UNC5D: variants seen among roughly 807,000 people sequenced by gnomAD.
UNC5D encodes the protein netrin receptor UNC5D.
A neutral mutation model predicts 105.4 loss-of-function variants in UNC5D; 39 were observed. The ratio of observed to expected loss-of-function variants is 0.37; its 90% CI spans 0.29 to 0.48. UNC5D has a LOEUF of 0.48. Ranked by LOEUF, UNC5D falls within the 20% of genes least tolerant of loss-of-function variation. The pLI is 0.98. For missense variants in UNC5D, 991 were observed against 1,202.4 expected (o/e 0.82, Z 2.60); for synonymous variants, 452 against 450.4 (o/e 1.00, Z -0.04).
chr8:35,387,015 TC>T (rs5890807), intron 1 of UNC5D, among the ~76,000 whole-genome samples: 2 of 151,432 alleles, frequency 1.3e-5, no homozygotes, highest in African/African-American at 4.9e-5. Flanking sequence ...GAGAAGGAAT[TC>T]CCCCCCTGCT....
At chr8:35,760,130 G>A (rs551601474) in intron 14 of UNC5D, among the ~76,000 whole-genome samples, 6 of 149,004 alleles carry the variant, frequency 4.0e-5, no homozygotes, top group South Asian at 4.3e-4. Context: ...TGCAACCTCC[G>A]CCTCCCGAGT....
At chr8:35,708,839 G>T (rs184631890) in intron 8 of UNC5D, among the ~76,000 whole-genome samples, 49 of 152,232 alleles carry the variant, frequency 3.2e-4, no homozygotes, top group African/African-American at 1.1e-3. Context: ...GATATCTTCA[G>T]TTGAATATGT....
At chr8:35,528,039 G>GTTTTTTTT (rs398007485) in intron 1 of UNC5D, among the ~76,000 whole-genome samples, 14 of 125,094 alleles carry the variant, frequency 1.1e-4, no homozygotes, top group East Asian at 7.4e-4. Context: ...GAAACAGCTG[G>GTTTTTTTT]TTTTTTTTTT....
At chr8:35,663,965 C>A (rs933645612) in intron 4 of UNC5D, among the ~76,000 whole-genome samples, 3 of 152,244 alleles carry the variant, frequency 2.0e-5, no homozygotes, top group Admixed American at 6.5e-5. Flanking sequence ...GTTGTAACCA[C>A]CAGCCAGATG....
chr8:35,306,852 T>G (rs906822825), intron 1 of UNC5D, among the ~76,000 whole-genome samples: 2 of 152,218 alleles, frequency 1.3e-5, no homozygotes, highest in Non-Finnish European at 1.5e-5. Flanking sequence ...TAACTAAAAA[T>G]TTGATCCATC....
intron 4 of UNC5D, among the ~76,000 whole-genome samples, chr8:35,665,597 T>A (rs1401555960): frequency 6.6e-6 from 1 of 151,806 alleles, no homozygotes; most frequent in Non-Finnish European, 1.5e-5. Context: ...AGTTTTATTT[T>A]CAACCTCCCA....
intron 9 of UNC5D, among the ~76,000 whole-genome samples, chr8:35,725,127 C>A (rs1186948154): frequency 2.0e-5 from 3 of 152,118 alleles, no homozygotes; most frequent in African/African-American, 7.2e-5. Context: ...GAGGCTAATA[C>A]AATATGGCCA....
chr8:35,285,995 G>A (rs1343693280), intron 1 of UNC5D, among the ~76,000 whole-genome samples: 1 of 152,054 alleles, frequency 6.6e-6, no homozygotes, highest in Non-Finnish European at 1.5e-5. Context: ...TCATTTTTTA[G>A]GGAAAAATAA....
At chr8:35,523,412 T>G (rs1413305035) in intron 1 of UNC5D, among the ~76,000 whole-genome samples, 1 of 151,988 alleles carries the variant, frequency 6.6e-6, no homozygotes, top group Non-Finnish European at 1.5e-5. Context: ...CAACATTAAT[T>G]CACAATTTTA....
At chr8:35,734,661 C>T (rs939250775) in intron 11 of UNC5D, among the ~76,000 whole-genome samples, 6 of 152,274 alleles carry the variant, frequency 3.9e-5, no homozygotes, top group East Asian at 1.9e-4. Flanking sequence ...ACGCCCACCT[C>T]GGCATCCCCA....
chr8:35,776,581 G>T (rs1802255421), intron 16 of UNC5D, among the ~76,000 whole-genome samples: 1 of 152,098 alleles, frequency 6.6e-6, no homozygotes, highest in African/African-American at 2.4e-5. Context: ...CCCCTTCTGT[G>T]TCTGGGGCCA....
chr8:35,619,941 T>G (rs1273659773), intron 4 of UNC5D, among the ~76,000 whole-genome samples: 1 of 152,194 alleles, frequency 6.6e-6, no homozygotes, highest in Admixed American at 6.5e-5. Context: ...TAGAGCAGTG[T>G]GGCCCAGCCC....
At chr8:35,475,182 T>C (rs1283668613) in intron 1 of UNC5D, among the ~76,000 whole-genome samples, 1 of 152,068 alleles carries the variant, frequency 6.6e-6, no homozygotes, top group Admixed American at 6.5e-5. Context: ...AGGAGGTGAA[T>C]TTGGGAGTCC....
At chr8:35,246,571 T>C (rs986742990) in intron 1 of UNC5D, among the ~76,000 whole-genome samples, 4 of 152,110 alleles carry the variant, frequency 2.6e-5, no homozygotes, top group Non-Finnish European at 4.4e-5. Flanking sequence ...TCTTGCTAGA[T>C]TGACTTCTTT....
intron 3 of UNC5D, among the ~76,000 whole-genome samples, chr8:35,584,870 A>G (rs967332246): frequency 6.6e-6 from 1 of 152,088 alleles, no homozygotes; most frequent in African/African-American, 2.4e-5. Context: ...TCCTAAACTC[A>G]TCGTTAAGAT....
At chr8:35,433,078 G>A (rs1406453881) in intron 1 of UNC5D, among the ~76,000 whole-genome samples, 1 of 152,130 alleles carries the variant, frequency 6.6e-6, no homozygotes, top group Non-Finnish European at 1.5e-5. Flanking sequence ...ATACTTAACT[G>A]ATTTCTGATG....
intron 3 of UNC5D, among the ~76,000 whole-genome samples, chr8:35,588,416 T>C (rs1490548222): frequency 6.6e-6 from 1 of 152,134 alleles, no homozygotes; most frequent in East Asian, 1.9e-4. Context: ...TGGCACCTGG[T>C]GTGTGTTTTT....
At chr8:35,345,569 T>C (rs1378181777) in intron 1 of UNC5D, among the ~76,000 whole-genome samples, 1 of 152,096 alleles carries the variant, frequency 6.6e-6, no homozygotes, top group Non-Finnish European at 1.5e-5. Context: ...AAAGTGATTT[T>C]CATCTTTGAC....
chr8:35,645,736 C>G lies in UNC5D; in HGVS notation c.571-37811C>G, dbSNP rs73575915. ...TTTCAGAGAATATAAAATGGCAGGG[C>G]AAAGGAATTTTGCTATTATCTTGAG... On this transcript the variant is annotated intron_variant, in intron 4 of 16. Coordinates refer to ENST00000404895, the MANE Select transcript of UNC5D (RefSeq NM_080872.4). 8.2e-3 allele frequency among the ~76,000 whole-genome samples: 1,241 copies of G among 152,122 alleles called. 17 individuals carry two copies. Among genetic ancestry groups the G allele is most frequent in the African/African-American group, 0.028 (1,182 of 41,518 alleles).
Sources: gnomAD v4.1 joint callset for allele counts (sites outside exome capture counted in the v4.1 genomes callset) on GRCh38, gnomAD v4.1.1 for gene constraint, MANE v1.5 for transcripts, NCBI Gene and HGNC (gene_info 2026-07-23, HGNC 2026-07-21) for gene names.